The following TMEM229B variants were observed in gnomAD, a reference collection of about 807,000 sequenced individuals.
TMEM229B encodes the protein chromosome 14 open reading frame 83.
In TMEM229B, 6 loss-of-function variants were observed where a neutral mutation model predicts 13.7. That is an observed-to-expected ratio of 0.44 (90% CI 0.24 to 0.86). The LOEUF is 0.86. Among genes scored for constraint, TMEM229B ranks in the 40% least tolerant of loss-of-function variants. TMEM229B has a pLI of 0.23. For missense variants in TMEM229B, 170 were observed against 236.0 expected, an observed-to-expected ratio of 0.72 and a Z score of 1.83; for synonymous variants, 107 against 102.1, an observed-to-expected ratio of 1.05 and a Z score of -0.29.
chr14:67,491,854 C>T (rs999515170), upstream of TMEM229B, among the ~76,000 whole-genome samples: 1 of 152,230 alleles, frequency 6.6e-6, no homozygotes, highest in Non-Finnish European at 1.5e-5. Flanking sequence ...AAGCCTGTGT[C>T]TGTCCAGCTC....
chr14:67,495,340 A>G (rs1385208707), intron 1 of TMEM229B, among the ~76,000 whole-genome samples: 2 of 152,338 alleles, frequency 1.3e-5, no homozygotes, highest in South Asian at 2.1e-4. Context: ...TGCAGAAGGC[A>G]TCCATCCTAA....
intron 1 of TMEM229B, among the ~76,000 whole-genome samples, chr14:67,527,840 C>A (rs1267139673): frequency 9.2e-5 from 14 of 152,246 alleles, no homozygotes; most frequent in African/African-American, 2.9e-4. Context: ...AGCAAGAACT[C>A]ACTCACAGCT....
intron 1 of TMEM229B, among the ~76,000 whole-genome samples, chr14:67,508,535 C>T (rs1212624622): frequency 1.3e-5 from 2 of 152,004 alleles, no homozygotes; most frequent in African/African-American, 2.4e-5. Context: ...GGGGTCAGCT[C>T]ACCTTCCTTG....
At chr14:67,503,587 C>A (rs1319119083) in intron 1 of TMEM229B, 1 of 152,232 alleles carries the variant, frequency 6.6e-6, no homozygotes, top group African/African-American at 2.4e-5. Flanking sequence ...GTTTAAAAGT[C>A]CACACTCTGG....
chr14:67,474,916 T>TC (rs1278588574), intron 2 of TMEM229B, among the ~76,000 whole-genome samples: 5 of 112,234 alleles, frequency 4.5e-5, no homozygotes, highest in Admixed American at 2.8e-4. Context: ...ATTTCCTTCT[T>TC]TTTTTTTTTT....
At chr14:67,480,694 C>T (rs141153392) in intron 2 of TMEM229B, among the ~76,000 whole-genome samples, 102 of 152,288 alleles carry the variant, frequency 6.7e-4, no homozygotes, top group Non-Finnish European at 1.1e-3. Context: ...CCCCAGGGCC[C>T]GGGCTGAGGG....
intron 2 of TMEM229B, among the ~76,000 whole-genome samples, chr14:67,483,729 G>C (rs2031721317): frequency 6.6e-6 from 1 of 152,218 alleles, no homozygotes; most frequent in Admixed American, 6.5e-5. Context: ...CCCCCTGACT[G>C]CCAGCCCACA....
At chr14:67,481,868 C>T (rs2031608660) in intron 2 of TMEM229B, among the ~76,000 whole-genome samples, 1 of 152,196 alleles carries the variant, frequency 6.6e-6, no homozygotes, top group South Asian at 2.1e-4. Flanking sequence ...TGGCTTCTTT[C>T]TCCTGGTGAC....
intron 2 of TMEM229B, among the ~76,000 whole-genome samples, chr14:67,477,261 C>G (rs2031275435): frequency 1.3e-5 from 2 of 152,210 alleles, no homozygotes; most frequent in South Asian, 4.1e-4. Flanking sequence ...TGACCTTGCC[C>G]CGATTGACAT....
At chr14:67,476,220 T>C (rs1293809698) in intron 2 of TMEM229B, among the ~76,000 whole-genome samples, 2 of 152,248 alleles carry the variant, frequency 1.3e-5, no homozygotes, top group Non-Finnish European at 2.9e-5. Context: ...GTCACATTAA[T>C]ACCTACCCAG....
intron 1 of TMEM229B, among the ~76,000 whole-genome samples, chr14:67,500,965 T>C (rs1281898820): frequency 6.6e-6 from 1 of 151,480 alleles, no homozygotes; most frequent in Admixed American, 6.6e-5. Context: ...ATCTTCCAGA[T>C]GAAAGTAGAA....
chr14:67,531,765 G>A (rs941799181), intron 1 of TMEM229B, among the ~76,000 whole-genome samples: 28 of 141,750 alleles, frequency 2.0e-4, no homozygotes, highest in Admixed American at 6.4e-4. Flanking sequence ...TTTTTTTGCT[G>A]GGTATAGTAG....
chr14:67,485,285 A>G (rs776986490), intron 2 of TMEM229B, among the ~76,000 whole-genome samples: 24 of 152,152 alleles, frequency 1.6e-4, no homozygotes, highest in Non-Finnish European at 3.1e-4. Context: ...CCCCTCCTAC[A>G]GTCTAGGCTT....
chr14:67,501,476 C>A (rs529854393), intron 1 of TMEM229B, among the ~76,000 whole-genome samples: 14 of 151,576 alleles, frequency 9.2e-5, no homozygotes, highest in Non-Finnish European at 1.8e-4. Flanking sequence ...GTGATCCTCC[C>A]ACATCAGCCT....
intron 1 of TMEM229B, among the ~76,000 whole-genome samples, chr14:67,495,888 A>C (rs953604184): frequency 6.6e-6 from 1 of 152,220 alleles, no homozygotes; most frequent in African/African-American, 2.4e-5. Flanking sequence ...CTGATCTCTC[A>C]GGCAGGCTTT....
chr14:67,501,044 T>TTAATAATAATAA (rs71129826), intron 1 of TMEM229B, among the ~76,000 whole-genome samples: 79 of 137,370 alleles, frequency 5.8e-4, no homozygotes, highest in Admixed American at 1.7e-3. Context: ...TACTTGGGGG[T>TTAATAATAATAA]TAATAATAAT....
chr14:67,524,768 G>A (rs1246656056), intron 1 of TMEM229B, among the ~76,000 whole-genome samples: 1 of 152,160 alleles, frequency 6.6e-6, no homozygotes, highest in Admixed American at 6.5e-5. Context: ...TGTGGTCACA[G>A]TGTAATTGCT....
intron 1 of TMEM229B, among the ~76,000 whole-genome samples, chr14:67,495,647 T>C (rs1231143135): frequency 1.3e-5 from 2 of 152,006 alleles, no homozygotes; most frequent in African/African-American, 2.4e-5. Flanking sequence ...CCATGCCCAG[T>C]TGATTTTTGT....
chr14:67,501,357 C>T (rs1327061454), intron 1 of TMEM229B, among the ~76,000 whole-genome samples: 3 of 151,872 alleles, frequency 2.0e-5, no homozygotes, highest in Non-Finnish European at 4.4e-5. Context: ...TAAACGATAC[C>T]TTATTATTTT....
Sources: allele counts gnomAD v4.1 joint callset (sites outside exome capture counted in the v4.1 genomes callset), GRCh38; gene constraint gnomAD v4.1.1; transcripts MANE v1.5; gene names NCBI Gene and HGNC (gene_info 2026-07-23, HGNC 2026-07-21).